The following PCDHGA6 variants were observed in gnomAD, a reference collection of about 807,000 sequenced individuals.
PCDHGA6 encodes protocadherin gamma subfamily A, 6.
Under a neutral mutation model 60.6 loss-of-function variants are expected in PCDHGA6, and 41 were observed. The ratio of observed to expected loss-of-function variants is 0.68; its 90% confidence interval spans 0.53 to 0.88. The LOEUF is 0.88. Ranked by LOEUF, PCDHGA6 falls within the 40% of genes least tolerant of loss-of-function variation. PCDHGA6 has a pLI of 0.00. For missense variants in PCDHGA6, 1,312 were observed against 1,203.0 expected (o/e 1.09, Z -1.34); for synonymous variants, 594 against 524.4 (o/e 1.13, Z -1.81).
chr5:141,399,411 C>G lies in PCDHGA6; in HGVS notation c.2424+22904C>G, dbSNP rs375057054. 3.4e-5 allele frequency: 55 copies of G among 1,613,900 alleles called. No individual in the cohort carries two copies. In the African/African-American group the frequency reaches 5.3e-4, roughly 16 times the overall value. On this transcript the variant is annotated intron_variant, in intron 1 of 3. Transcript: ENST00000517434. ...CCACAGACAGGGGCAAGCCGCCCCT[C>G]TCCTCCAGCATAAGCGTCATCCTAC...
intron 1 of PCDHGA6, chr5:141,421,719 C>T (rs2096595246): frequency 6.2e-7 from 1 of 1,613,942 alleles, no homozygotes; most frequent in Non-Finnish European, 8.5e-7. Flanking sequence ...CAGATGTGGG[C>T]GTGAACTCCC....
At position 141,512,045 on chromosome 5, in the gene PCDHGA6, C is replaced by T. The variant is rs568357347; in HGVS notation, c.*872C>T. On this transcript the variant is annotated 3_prime_UTR_variant, in exon 4 of 4. Transcript: ENST00000517434. ...GGCCTTGGAGGAGGCTCTGTATGTC[C>T]TCAGGGGACTGACAACATCCTCCAG... The T allele has an allele frequency of 1.5e-3, 224 of 152,846 alleles. 2 individuals are homozygous for T. The highest frequency in any genetic ancestry group is 4.6e-4 in the Non-Finnish European group (31 of 68,130). The allele number at this position is 152,846 out of a possible 1,614,324, so 9.5% of individuals were successfully genotyped here. A position where few individuals can be genotyped will look rare whatever the true frequency, so the allele number is the denominator to read the frequency against.
At position 141,409,535 on chromosome 5, in the gene PCDHGA6, A is replaced by G. The variant is rs745624722; in HGVS notation, c.2424+33028A>G. 5 of 1,613,894 alleles carry G rather than the reference A, an allele frequency of 3.1e-6. No homozygotes were observed. The African/African-American group carries it at 4.0e-5, about 13-fold the overall frequency. ...AAGCATCACCTTGTATGTCGCTGAC[A>G]TCAACGACAACGCCCCAGTTTTCGA... On this transcript the variant is annotated intron_variant, in intron 1 of 3. Coordinates refer to ENST00000517434, the MANE Select transcript of PCDHGA6 (RefSeq NM_018919.3).
Position 141,476,819 on chromosome 5 carries a change from C to T in PCDHGA6, c.2425-17988C>T. ...CAGCCTGCCTATTCACATCAAGGTGCTGGACGCGAATGACAATGCGCCTGT... is the reference window on the plus strand; with the variant it reads ...CAGCCTGCCTATTCACATCAAGGTGTTGGACGCGAATGACAATGCGCCTGT... On this transcript the variant is annotated intron_variant, in intron 1 of 3. Coordinates refer to ENST00000517434, the MANE Select transcript of PCDHGA6 (RefSeq NM_018919.3). The surrounding 1 kb of genome is among the most constrained non-coding windows in gnomAD (Gnocchi z 7.6). 6.2e-7 allele frequency: 1 copy of T among 1,613,524 alleles called. No homozygotes were observed. The highest frequency in any genetic ancestry group is 8.5e-7 in the Non-Finnish European group (1 of 1,180,036).
chr5:141,497,796 TC>T (rs1251163385), intron 2 of PCDHGA6, among the ~76,000 whole-genome samples: 2 of 152,160 alleles, frequency 1.3e-5, no homozygotes, highest in African/African-American at 2.4e-5. Context: ...TGCTTCAGCT[TC>T]CCAAAGTGCT....
Position 141,431,260 on chromosome 5 carries a change from G to C in PCDHGA6, c.2424+54753G>C, listed in dbSNP as rs762250032. On this transcript the variant is annotated intron_variant, in intron 1 of 3. Coordinates refer to ENST00000517434, the MANE Select transcript of PCDHGA6 (RefSeq NM_018919.3). The surrounding 1 kb of genome is among the most constrained non-coding windows in gnomAD (Gnocchi z 4.8). The stretch of plus-strand genomic sequence containing the variant: ...ATCCGGATATCGGGAAGAACTCTCT[G>C]CAGAGCTACGAGCTCAGCCCGAACA... 6.2e-7 allele frequency: 1 copy of C among 1,614,170 alleles called. No homozygotes were observed. Among genetic ancestry groups the C allele is most frequent in the Non-Finnish European group, 8.5e-7 (1 of 1,180,052 alleles).
chr5:141,398,862 C>A (rs771326288), intron 1 of PCDHGA6: 5 of 1,613,966 alleles, frequency 3.1e-6, no homozygotes, highest in Admixed American at 1.7e-5. Flanking sequence ...TCAACCGAGA[C>A]GTGTACAGAG....
intron 1 of PCDHGA6, 62 bp downstream of exon 1, chr5:141,376,569 G>T: frequency 6.2e-7 from 1 of 1,603,942 alleles, no homozygotes; most frequent in South Asian, 1.1e-5. Flanking sequence ...CAACTAATCA[G>T]ACAGGCTCAT....
At chr5:141,384,811 C>A (rs1273757599) in intron 1 of PCDHGA6, 1 of 1,613,338 alleles carries the variant, frequency 6.2e-7, no homozygotes, top group Admixed American at 1.7e-5. Context: ...CAGAGATGCC[C>A]TCAAGCAGAG....
chr5:141,407,808 C>T (rs1182707356), intron 1 of PCDHGA6, among the ~76,000 whole-genome samples: 1 of 152,136 alleles, frequency 6.6e-6, no homozygotes, highest in Non-Finnish European at 1.5e-5. Context: ...ATAGAAATAT[C>T]TACTATAATA....
intron 1 of PCDHGA6, among the ~76,000 whole-genome samples, chr5:141,438,498 CAT>C (rs2097963931): frequency 6.7e-6 from 1 of 149,704 alleles, no homozygotes; most frequent in African/African-American, 2.5e-5. Context: ...AAAAAAGAAT[CAT>C]AGTGCAAAAC....
intron 1 of PCDHGA6, among the ~76,000 whole-genome samples, chr5:141,468,782 C>T (rs1280972843): frequency 2.0e-5 from 3 of 151,990 alleles, no homozygotes; most frequent in East Asian, 3.9e-4. Context: ...AGGAGAATGG[C>T]GTGAACCCGG....
intron 1 of PCDHGA6, among the ~76,000 whole-genome samples, chr5:141,397,505 T>A (rs2093531906): frequency 6.6e-6 from 1 of 152,158 alleles, no homozygotes; most frequent in South Asian, 2.1e-4. Context: ...ATGATAAAAT[T>A]GTTTCCATAG....
intron 1 of PCDHGA6, among the ~76,000 whole-genome samples, chr5:141,429,903 T>C (rs1276564046): frequency 2.0e-5 from 3 of 152,252 alleles, no homozygotes; most frequent in African/African-American, 7.2e-5. Flanking sequence ...TAAATATTTT[T>C]GAAATATAAT....
chr5:141,387,782 A>G lies in PCDHGA6; in HGVS notation c.2424+11275A>G, dbSNP rs145228594. 6.9e-3 allele frequency: 10,094 copies of G among 1,466,254 alleles called. 59 individuals are homozygous for G. The highest frequency in any genetic ancestry group is 8.3e-3 in the Non-Finnish European group (9,103 of 1,100,820). 90.8% of individuals were successfully genotyped at this position (1,466,254 alleles called of 1,614,324 possible). On this transcript the variant is annotated intron_variant, in intron 1 of 3. Transcript: ENST00000517434. ...AAGAAGAATTTTTTCTTGAACTGGA[A>G]CTGCAACTAAAGTCCGTTCGGAGAT... is the stretch of plus-strand genomic sequence containing the variant.
In PCDHGA6 at chr5:141,418,027, T is replaced by C. The variant is rs536104184; in HGVS notation, c.2424+41520T>C. On this transcript the variant is annotated intron_variant, in intron 1 of 3. Coordinates refer to ENST00000517434, the MANE Select transcript of PCDHGA6 (RefSeq NM_018919.3). ...GGAACCTCGCTAAGGATCTAGGGCT[T>C]AGTGTCCTGGATGTGTCGGCTCGCG... is the stretch of plus-strand genomic sequence containing the variant. 144 of 1,613,732 alleles carry C rather than the reference T, an allele frequency of 8.9e-5. No homozygotes were observed. The East Asian group carries it at 1.2e-3, about 14-fold the overall frequency.
chr5:141,471,846 T>C (rs2099265433), intron 1 of PCDHGA6, among the ~76,000 whole-genome samples: 1 of 152,180 alleles, frequency 6.6e-6, no homozygotes. Context: ...AATAAAATAT[T>C]CAGAAAAAGC....
intron 1 of PCDHGA6, chr5:141,399,913 C>T: frequency 2.5e-6 from 4 of 1,612,372 alleles, no homozygotes; most frequent in Non-Finnish European, 3.4e-6. Context: ...AGACTCAGGA[C>T]ACAACGCCTG....
chr5:141,424,319 G>A (rs1014361496), intron 1 of PCDHGA6: 1 of 152,006 alleles, frequency 6.6e-6, no homozygotes, highest in African/African-American at 2.4e-5. Context: ...ATATTGACTG[G>A]CTTTTAACTA....
Sources: gnomAD v4.1 joint callset for allele counts (sites outside exome capture counted in the v4.1 genomes callset) on GRCh38, gnomAD v4.1.1 for gene constraint, Gnocchi (gnomAD v3.1) non-coding constraint, MANE v1.5 for transcripts, NCBI Gene and HGNC (gene_info 2026-07-23, HGNC 2026-07-21) for gene names.